The following STXBP5L variants were observed in gnomAD, a reference collection of about 807,000 sequenced individuals.
The protein encoded by STXBP5L is syntaxin binding protein 5L, also known as syntaxin-binding protein 5-like.
Under a neutral mutation model 144.5 loss-of-function variants are expected in STXBP5L, and 65 were observed. The ratio of observed to expected loss-of-function variants is 0.45; its 90% CI spans 0.37 to 0.55. The LOEUF (loss-of-function observed/expected upper bound fraction) is 0.55, where lower values mean the gene tolerates loss of function less well. Among genes scored for constraint, STXBP5L ranks in the 20% least tolerant of loss-of-function variants. The pLI is 0.00. For synonymous variants in STXBP5L, 505 were observed against 469.6 expected (o/e 1.08, Z -0.97); for missense variants, 1,298 against 1,405.5 (o/e 0.92, Z 1.22).
intron 20 of STXBP5L, among the ~76,000 whole-genome samples, chr3:121,325,999 T>TA (rs553855742): frequency 0.13 from 18,363 of 137,674 alleles, 1,153 homozygotes; most frequent in Non-Finnish European, 0.15. Flanking sequence ...TTATGTCTAC[T>TA]AAAAAAAAAA....
intron 10 of STXBP5L, among the ~76,000 whole-genome samples, chr3:121,216,347 A>G (rs2048775597): frequency 6.6e-6 from 1 of 151,538 alleles, no homozygotes; most frequent in Non-Finnish European, 1.5e-5. Flanking sequence ...GGTCTTGGTG[A>G]CCTTCGGATG....
intron 2 of STXBP5L, among the ~76,000 whole-genome samples, chr3:120,942,108 C>T (rs138754435): frequency 3.3e-5 from 5 of 151,692 alleles, no homozygotes; most frequent in African/African-American, 1.2e-4. Flanking sequence ...GGACCTCATT[C>T]GTTTAATCGC....
chr3:121,327,914 G>A (rs1217504114), intron 20 of STXBP5L, among the ~76,000 whole-genome samples: 11 of 152,110 alleles, frequency 7.2e-5, no homozygotes, highest in Admixed American at 3.9e-4. Context: ...ACTTTTTGCC[G>A]TGTTACTTTT....
chr3:121,329,262 A>T (rs573329017), intron 20 of STXBP5L, among the ~76,000 whole-genome samples: 28 of 152,238 alleles, frequency 1.8e-4, no homozygotes, highest in Admixed American at 6.5e-4. Flanking sequence ...CCATCTGTCA[A>T]CCTCTTGATG....
At chr3:121,016,113 T>G (rs1945129372) in intron 3 of STXBP5L, among the ~76,000 whole-genome samples, 1 of 152,206 alleles carries the variant, frequency 6.6e-6, no homozygotes, top group South Asian at 2.1e-4. Context: ...CAAGTGCACT[T>G]ACACAGATTA....
rs1708719007 is a variant in STXBP5L, at chr3:120,909,571, T to A, written c.-8T>A. The A allele has an allele frequency of 6.2e-7, 1 of 1,611,198 alleles. No individual in the cohort carries two copies. The highest frequency in any genetic ancestry group is 8.5e-7 in the Non-Finnish European group (1 of 1,179,348). On this transcript the variant is annotated splice_region_variant and 5_prime_UTR_variant, in exon 2 of 27. Coordinates refer to ENST00000471454, the MANE Select transcript of STXBP5L (RefSeq NM_001308330.2). The stretch of plus-strand genomic sequence containing the variant: ...TTTTTTCCTTTGTATTTCTCAACAG[T>A]GTTTAAAATGAAGAAGTTTAATTTC...
At chr3:121,021,137 A>C (rs1321023085) in intron 3 of STXBP5L, among the ~76,000 whole-genome samples, 2 of 152,134 alleles carry the variant, frequency 1.3e-5, no homozygotes, top group Non-Finnish European at 2.9e-5. Context: ...ATATCAGACA[A>C]AACAAAGTTT....
intron 2 of STXBP5L, among the ~76,000 whole-genome samples, chr3:120,937,200 T>C (rs2140429): frequency 6.6e-6 from 1 of 152,100 alleles, no homozygotes; most frequent in South Asian, 2.1e-4. Context: ...AAGTGGAAAC[T>C]AGTTTCTCTT....
chr3:121,093,063 C>T (rs955868213), intron 5 of STXBP5L, among the ~76,000 whole-genome samples: 1 of 152,108 alleles, frequency 6.6e-6, no homozygotes, highest in Non-Finnish European at 1.5e-5. Flanking sequence ...TGTTTATATG[C>T]TGGATTACAT....
At chr3:120,951,090 G>A (rs2107685958) in intron 2 of STXBP5L, among the ~76,000 whole-genome samples, 1 of 152,196 alleles carries the variant, frequency 6.6e-6, no homozygotes, top group Admixed American at 6.5e-5. Context: ...TGGAAAAACT[G>A]GCTAGCCATA....
At chr3:121,045,104 G>T (rs1187468018) in intron 4 of STXBP5L, among the ~76,000 whole-genome samples, 1 of 151,934 alleles carries the variant, frequency 6.6e-6, no homozygotes, top group African/African-American at 2.4e-5. Flanking sequence ...GTAAACAGTA[G>T]AAACAAAAAC....
intron 9 of STXBP5L, among the ~76,000 whole-genome samples, chr3:121,188,547 T>C (rs1199451154): frequency 2.0e-5 from 3 of 149,926 alleles, no homozygotes; most frequent in Non-Finnish European, 4.4e-5. Flanking sequence ...AACATCGATG[T>C]GAAAATCCTC....
chr3:121,376,411 A>T (rs1395390305), intron 20 of STXBP5L, among the ~76,000 whole-genome samples: 1 of 152,190 alleles, frequency 6.6e-6, no homozygotes, highest in Non-Finnish European at 1.5e-5. Context: ...ATTTTTGTAT[A>T]AGGTGTAAGG....
At chr3:120,983,236 T>C (rs1216798838) in intron 3 of STXBP5L, among the ~76,000 whole-genome samples, 1 of 151,932 alleles carries the variant, frequency 6.6e-6, no homozygotes, top group South Asian at 2.1e-4. Flanking sequence ...AGAGTGGTGC[T>C]GGCTTCAGTG....
chr3:120,986,431 T>A (rs1942293331), intron 3 of STXBP5L, among the ~76,000 whole-genome samples: 1 of 151,978 alleles, frequency 6.6e-6, no homozygotes, highest in Non-Finnish European at 1.5e-5. Flanking sequence ...ATATTCTATC[T>A]GGTTGTTTTA....
At chr3:121,070,856 T>C (rs892457592) in intron 5 of STXBP5L, among the ~76,000 whole-genome samples, 42 of 152,132 alleles carry the variant, frequency 2.8e-4, no homozygotes, top group African/African-American at 9.7e-4. Flanking sequence ...CTGACCCTGG[T>C]TTCTGTGGGG....
intron 5 of STXBP5L, among the ~76,000 whole-genome samples, chr3:121,104,928 T>G (rs2043617437): frequency 6.6e-6 from 1 of 151,848 alleles, no homozygotes; most frequent in South Asian, 2.1e-4. Context: ...AAAGAAAAAA[T>G]CAGCAGAGTA....
chr3:121,019,662 T>G (rs75242887), intron 3 of STXBP5L, among the ~76,000 whole-genome samples: 18,259 of 152,110 alleles, frequency 0.12, 1,154 homozygotes, highest in Non-Finnish European at 0.14. Flanking sequence ...TGATTAGATC[T>G]GGAAGAGAAA....
At chr3:121,212,585 A>G (rs1191482617) in intron 10 of STXBP5L, among the ~76,000 whole-genome samples, 1 of 151,334 alleles carries the variant, frequency 6.6e-6, no homozygotes, top group Admixed American at 6.6e-5. Context: ...ATCTGTTTTG[A>G]TACCAGAAGC....
Sources: gnomAD v4.1 joint callset for allele counts (sites outside exome capture counted in the v4.1 genomes callset) on GRCh38, gnomAD v4.1.1 for gene constraint, MANE v1.5 for transcripts, NCBI Gene and HGNC (gene_info 2026-07-23, HGNC 2026-07-21) for gene names.